The following DNER variants were observed in gnomAD, a reference collection of about 807,000 sequenced individuals.
DNER encodes delta/notch like EGF repeat containing.
Under a neutral mutation model 78.2 loss-of-function variants are expected in DNER, and 33 were observed. The observed-to-expected ratio is 0.42, with a 90% CI of 0.32 to 0.56. The LOEUF is 0.56. DNER is among the 20% of genes least tolerant of loss of function. The pLI is 0.11. For synonymous variants in DNER, 417 were observed against 384.8 expected (o/e 1.08, Z -0.98); for missense variants, 918 against 975.3 (o/e 0.94, Z 0.78).
At position 229,483,589 on chromosome 2, in the gene DNER, A is replaced by G. The variant is rs1215552028; in HGVS notation, c.1148-6336T>C. Among the ~76,000 whole-genome samples, 3 of 152,236 alleles carry G rather than the reference A, an allele frequency of 2.0e-5. No individual in the cohort carries two copies. The East Asian group carries it at 5.8e-4, about 29-fold the overall frequency. The stretch of plus-strand genomic sequence containing the variant: ...GGATGTTGAACAGAGCTTGAGAATC[A>G]TTATAGTGTTTAAGTTTACTTCTCA... On this transcript the variant is annotated intron_variant, in intron 6 of 12. Coordinates refer to ENST00000341772, the MANE Select transcript of DNER (RefSeq NM_139072.4).
intron 1 of DNER, among the ~76,000 whole-genome samples, chr2:229,693,661 G>A (rs953103893): frequency 3.9e-5 from 6 of 152,192 alleles, no homozygotes; most frequent in African/African-American, 1.4e-4. Flanking sequence ...AAAGAGACTG[G>A]CAGCATTTTG....
chr2:229,441,954 T>C (rs1217571238), intron 8 of DNER, among the ~76,000 whole-genome samples: 3 of 152,130 alleles, frequency 2.0e-5, no homozygotes, highest in Admixed American at 2.0e-4. Context: ...ATGATGTCAA[T>C]ATACAGATTT....
intron 1 of DNER, among the ~76,000 whole-genome samples, chr2:229,673,099 T>C (rs1260639681): frequency 6.6e-6 from 1 of 152,214 alleles, no homozygotes; most frequent in Admixed American, 6.5e-5. Flanking sequence ...ACTTTTCCTG[T>C]CCTTTGTGCT....
At chr2:229,424,397 G>T (rs113052263) in intron 8 of DNER, among the ~76,000 whole-genome samples, 1 of 152,150 alleles carries the variant, frequency 6.6e-6, no homozygotes, top group African/African-American at 2.4e-5. Context: ...GCCTCCAAAC[G>T]CATTGTCTAG....
At chr2:229,480,799 G>A (rs897862441) in intron 6 of DNER, among the ~76,000 whole-genome samples, 1 of 152,160 alleles carries the variant, frequency 6.6e-6, no homozygotes, top group Non-Finnish European at 1.5e-5. Context: ...CTTTGTCATT[G>A]CTTTATTTCC....
At chr2:229,379,336 G>C (rs1692682313) in intron 11 of DNER, among the ~76,000 whole-genome samples, 1 of 145,128 alleles carries the variant, frequency 6.9e-6, no homozygotes, top group Non-Finnish European at 1.5e-5. Flanking sequence ...ACAGCAACCA[G>C]CATGGGAAGC....
At position 229,660,365 on chromosome 2, in the gene DNER, C is replaced by T. The variant is rs187994802; in HGVS notation, c.276+53783G>A. Among the ~76,000 whole-genome samples, 30 of 152,250 alleles carry T rather than the reference C, an allele frequency of 2.0e-4. No individual in the cohort carries two copies. The East Asian group carries it at 3.7e-3, about 19-fold the overall frequency. ...CATTTGCTCCACACATAAGTGAGAA[C>T]ACGTGGTATTTGATTTTCTGTTCCT... On this transcript the variant is annotated intron_variant, in intron 1 of 12. Coordinates refer to ENST00000341772, the MANE Select transcript of DNER (RefSeq NM_139072.4).
rs763447473 is a variant in DNER at position 229,681,671 on chromosome 2, C to T, written c.276+32477G>A. Among the ~76,000 whole-genome samples the T allele has an allele frequency of 1.5e-4, 23 of 152,292 alleles. No homozygotes were observed. The South Asian group carries it at 3.1e-3, about 21-fold the overall frequency. ...AGTCGTGGGCAGCCACACAACACCG[C>T]TCAAGGGGGCACTCGAGGAGAATGA... On this transcript the variant is annotated intron_variant, in intron 1 of 12. Coordinates refer to ENST00000341772, the MANE Select transcript of DNER (RefSeq NM_139072.4).
chr2:229,550,138 A>AGG lies in DNER; in HGVS notation c.848-3047_848-3046insCC, dbSNP rs1559164011. Among the ~76,000 whole-genome samples, 338 of 151,198 alleles carry AGG rather than the reference A, an allele frequency of 2.2e-3. 1 individual carries two copies. The highest frequency in any genetic ancestry group is 7.9e-3 in the African/African-American group (323 of 41,084). ...CTCCCAAGTACCTGGGATTACATAT[A>AGG]CGCGCCACCACACCCAGCTAATTTT... is the stretch of plus-strand genomic sequence containing the variant. On this transcript the variant is annotated intron_variant, in intron 4 of 12. Transcript: ENST00000341772.
intron 1 of DNER, among the ~76,000 whole-genome samples, chr2:229,703,456 G>A (rs1699782128): frequency 6.6e-6 from 1 of 152,128 alleles, no homozygotes; most frequent in Admixed American, 6.6e-5. Flanking sequence ...AAAACAAGAG[G>A]GGATTTTTGT....
intron 1 of DNER, among the ~76,000 whole-genome samples, chr2:229,690,963 A>C (rs1056531790): frequency 2.6e-5 from 4 of 152,216 alleles, no homozygotes; most frequent in Non-Finnish European, 1.5e-5. Context: ...GAATAAATAC[A>C]TTATTCATTT....
rs552560816 is a variant in DNER, at chr2:229,662,434, T to G, written c.276+51714A>C. On this transcript the variant is annotated intron_variant, in intron 1 of 12. Transcript: ENST00000341772. ...ACATGTAACAAATTACTAATAATGT[T>G]GCTCCCATTTTACAGATGAGGAGAC... Among the ~76,000 whole-genome samples, 30 of 152,340 alleles carry G rather than the reference T, an allele frequency of 2.0e-4. 1 individual carries two copies. The highest frequency in any genetic ancestry group is 6.7e-4 in the African/African-American group (28 of 41,592).
chr2:229,543,105 C>T (rs920619602), intron 5 of DNER, among the ~76,000 whole-genome samples: 1 of 151,370 alleles, frequency 6.6e-6, no homozygotes, highest in Non-Finnish European at 1.5e-5. Flanking sequence ...GCACCAGAAG[C>T]TCTTCAAAAA....
At chr2:229,385,453 C>T (rs370965637) in intron 11 of DNER, among the ~76,000 whole-genome samples, 30 of 152,200 alleles carry the variant, frequency 2.0e-4, no homozygotes, top group African/African-American at 6.3e-4. Flanking sequence ...TTCAACATAG[C>T]ATTGGAAGTT....
At chr2:229,670,670 T>C (rs1699191760) in intron 1 of DNER, among the ~76,000 whole-genome samples, 1 of 152,200 alleles carries the variant, frequency 6.6e-6, no homozygotes, top group South Asian at 2.1e-4. Flanking sequence ...CACTTAAAAA[T>C]GCAGGAATGG....
intron 12 of DNER, among the ~76,000 whole-genome samples, chr2:229,366,133 T>G (rs1479588787): frequency 1.3e-5 from 2 of 152,216 alleles, no homozygotes; most frequent in Non-Finnish European, 2.9e-5. Flanking sequence ...AGTTTACTTA[T>G]GTAACCAACC....
intron 4 of DNER, among the ~76,000 whole-genome samples, chr2:229,576,213 T>C (rs1285393873): frequency 1.3e-5 from 2 of 152,168 alleles, no homozygotes; most frequent in African/African-American, 4.8e-5. Context: ...TTAATGATTC[T>C]ATAGATGATA....
intron 6 of DNER, among the ~76,000 whole-genome samples, chr2:229,508,896 GA>G (rs1695803867): frequency 1.3e-4 from 2 of 15,598 alleles, no homozygotes; most frequent in Non-Finnish European, 2.2e-4. Context: ...GAAAAGAAAA[GA>G]AAAGAAAAGA....
intron 1 of DNER, among the ~76,000 whole-genome samples, chr2:229,656,026 C>T (rs182856731): frequency 6.6e-6 from 1 of 152,144 alleles, no homozygotes; most frequent in Non-Finnish European, 1.5e-5. Context: ...AGCCTGGCCC[C>T]ACCCACACCT....
Sources: gnomAD v4.1 joint callset for allele counts (sites outside exome capture counted in the v4.1 genomes callset) on GRCh38, gnomAD v4.1.1 for gene constraint, MANE v1.5 for transcripts, NCBI Gene and HGNC (gene_info 2026-07-23, HGNC 2026-07-21) for gene names.